Variants in DAPK1 observed in about 807,000 individuals in gnomAD.
DAPK1 encodes death-associated protein kinase 1.
In DAPK1, 56 loss-of-function variants were observed where a neutral mutation model predicts 144.9. That is an observed-to-expected ratio of 0.39 (90% CI 0.31 to 0.48). DAPK1 has a LOEUF of 0.48. Ranked by LOEUF, DAPK1 falls within the 20% of genes least tolerant of loss-of-function variation. The pLI, the probability that DAPK1 is intolerant of heterozygous loss-of-function variation, is 0.95. For missense variants in DAPK1, 1,454 were observed against 1,875.4 expected (o/e 0.78, Z 4.15); for synonymous variants, 690 against 749.0 (o/e 0.92, Z 1.29).
intron 2 of DAPK1, among the ~76,000 whole-genome samples, chr9:87,581,342 A>C (rs1354894465): frequency 6.6e-6 from 1 of 152,194 alleles, no homozygotes; most frequent in Non-Finnish European, 1.5e-5. Flanking sequence ...ATATTAAGTA[A>C]ATAGGCAAAT....
At chr9:87,529,182 G>T (rs1049936943) in intron 2 of DAPK1, among the ~76,000 whole-genome samples, 1 of 152,156 alleles carries the variant, frequency 6.6e-6, no homozygotes, top group Non-Finnish European at 1.5e-5. Context: ...CTCTCAAGTC[G>T]CCTCCTGGGC....
intron 20 of DAPK1, among the ~76,000 whole-genome samples, chr9:87,684,117 G>T (rs1464006617): frequency 1.3e-5 from 2 of 152,262 alleles, no homozygotes; most frequent in African/African-American, 4.8e-5. Context: ...GACAGCGCCC[G>T]GGAAATGCAG....
Position 87,529,734 on chromosome 9 carries a change from G to A in DAPK1, c.62+30595G>A, listed in dbSNP as rs182256757. On this transcript the variant is annotated intron_variant, in intron 2 of 25. Transcript: ENST00000408954. ...AAGGACCCTTGACTGCATTGAGGCT[G>A]CCTGGAGCAAAGAAGCCACCAGACC... is the stretch of plus-strand genomic sequence containing the variant. 6.6e-5 allele frequency among the ~76,000 whole-genome samples: 10 copies of A among 152,368 alleles called. No homozygotes were observed. In the East Asian group the frequency reaches 1.9e-3, roughly 29 times the overall value.
intron 2 of DAPK1, among the ~76,000 whole-genome samples, chr9:87,555,919 C>T (rs12685588): frequency 0.12 from 18,148 of 152,286 alleles, 1,389 homozygotes; most frequent in Admixed American, 0.16. Flanking sequence ...TAAACAATTG[C>T]ATGGGAAAAT....
At chr9:87,508,060 T>G (rs549917964) in intron 2 of DAPK1, among the ~76,000 whole-genome samples, 3 of 152,334 alleles carry the variant, frequency 2.0e-5, no homozygotes, top group East Asian at 3.9e-4. Flanking sequence ...TCACCCAGAC[T>G]AGAGTGCAGT....
intron 3 of DAPK1, among the ~76,000 whole-genome samples, chr9:87,613,036 A>G (rs940487806): frequency 5.3e-5 from 8 of 152,190 alleles, no homozygotes; most frequent in African/African-American, 1.9e-4. Flanking sequence ...TTCTGCTTCC[A>G]TTTCGAAGCA....
chr9:87,608,550 C>T (rs1427946491), intron 3 of DAPK1, among the ~76,000 whole-genome samples: 1 of 152,146 alleles, frequency 6.6e-6, no homozygotes, highest in African/African-American at 2.4e-5. Context: ...TGAGAAACTG[C>T]CAAGCTGTCT....
At chr9:87,650,259 A>C in intron 16 of DAPK1, 141 bp downstream of exon 16, 1 of 765,646 alleles carries the variant, frequency 1.3e-6, no homozygotes, top group Non-Finnish European at 2.1e-6. Flanking sequence ...CTCTGTTCCA[A>C]AGATTCTGTG....
intron 2 of DAPK1, among the ~76,000 whole-genome samples, chr9:87,586,946 T>C (rs573318204): frequency 1.6e-4 from 25 of 152,376 alleles, no homozygotes; most frequent in African/African-American, 2.9e-4. Flanking sequence ...GGACCAAGGC[T>C]GAGTAAATCA....
intron 2 of DAPK1, among the ~76,000 whole-genome samples, chr9:87,589,404 C>T (rs1464151723): frequency 6.6e-6 from 1 of 152,130 alleles, no homozygotes; most frequent in South Asian, 2.1e-4. Context: ...TGCATATAAT[C>T]AGCATCTTTC....
intron 3 of DAPK1, chr9:87,632,793 T>C (rs2119101123): frequency 1.0e-6 from 1 of 980,856 alleles, no homozygotes. Context: ...GGAGAATCAG[T>C]GTATATGTAG....
At chr9:87,683,136 G>A (rs1333085316) in intron 20 of DAPK1, among the ~76,000 whole-genome samples, 1 of 150,716 alleles carries the variant, frequency 6.6e-6, no homozygotes, top group Non-Finnish European at 1.5e-5. Context: ...AGGCTGGAGT[G>A]CAGTGGTGTG....
At chr9:87,546,402 C>T (rs944211478) in intron 2 of DAPK1, among the ~76,000 whole-genome samples, 1 of 152,162 alleles carries the variant, frequency 6.6e-6, no homozygotes, top group Non-Finnish European at 1.5e-5. Flanking sequence ...GAGGTAGATA[C>T]TGTCCCTGGT....
chr9:87,536,027 C>T (rs1265355022), intron 2 of DAPK1, among the ~76,000 whole-genome samples: 1 of 152,232 alleles, frequency 6.6e-6, no homozygotes, highest in Non-Finnish European at 1.5e-5. Flanking sequence ...TGTCCCCAGC[C>T]TCTTCCGCCT....
chr9:87,509,100 A>G (rs925932662), intron 2 of DAPK1, among the ~76,000 whole-genome samples: 2 of 152,210 alleles, frequency 1.3e-5, no homozygotes, highest in African/African-American at 4.8e-5. Flanking sequence ...TTTGGAGTGT[A>G]ATATTTAATA....
At chr9:87,529,139 C>A (rs983457814) in intron 2 of DAPK1, among the ~76,000 whole-genome samples, 1 of 152,164 alleles carries the variant, frequency 6.6e-6, no homozygotes, top group Non-Finnish European at 1.5e-5. Flanking sequence ...ACATGTAAAA[C>A]CCCAAGTCAA....
At chr9:87,668,446 G>A in intron 18 of DAPK1, 151 bp from the exon 19 acceptor site, 2 of 674,980 alleles carry the variant, frequency 3.0e-6, no homozygotes, top group Non-Finnish European at 5.3e-6. Flanking sequence ...TGCACAGCCA[G>A]AGAAACACAC....
At chr9:87,628,451 A>G (rs1209874030) in intron 3 of DAPK1, among the ~76,000 whole-genome samples, 2 of 152,198 alleles carry the variant, frequency 1.3e-5, no homozygotes, top group Non-Finnish European at 2.9e-5. Context: ...ACAAATGCAG[A>G]AAGGAATGCC....
intron 2 of DAPK1, among the ~76,000 whole-genome samples, chr9:87,580,106 A>G (rs143544449): frequency 0.011 from 1,730 of 152,284 alleles, 22 homozygotes; most frequent in Non-Finnish European, 0.019. Flanking sequence ...ATAAGGCCTC[A>G]TTATTTAATG....
Sources: gnomAD v4.1 joint callset for allele counts (sites outside exome capture counted in the v4.1 genomes callset) on GRCh38, gnomAD v4.1.1 for gene constraint, MANE v1.5 for transcripts, NCBI Gene and HGNC (gene_info 2026-07-23, HGNC 2026-07-21) for gene names.